SEM1: variants seen among roughly 807,000 people sequenced by gnomAD.
SEM1 encodes the protein SEM1 26S proteasome subunit, also known as 26S proteasome complex subunit SEM1.
A neutral mutation model predicts 12.7 loss-of-function variants in SEM1; 3 were observed. The observed-to-expected ratio is 0.24, with a 90% confidence interval of 0.11 to 0.61. SEM1 has a LOEUF of 0.61. Ranked by LOEUF, SEM1 falls within the 20% of genes least tolerant of loss-of-function variation. SEM1 has a pLI of 0.88. For missense variants in SEM1, 59 were observed against 81.3 expected (o/e 0.73, Z 1.06); for synonymous variants, 30 against 27.8 (o/e 1.08, Z -0.25).
intron 1 of SEM1, among the ~76,000 whole-genome samples, chr7:96,701,462 C>A (rs774536675): frequency 2.0e-5 from 3 of 152,094 alleles, no homozygotes; most frequent in Admixed American, 6.5e-5. Flanking sequence ...TCACCAAGAA[C>A]TGTATCGACC....
At chr7:96,547,148 C>A (rs539916143) in intron 2 of SEM1, among the ~76,000 whole-genome samples, 1 of 152,146 alleles carries the variant, frequency 6.6e-6, no homozygotes, top group Non-Finnish European at 1.5e-5. Context: ...CAAACGACTG[C>A]AGCTTGAATT....
intron 2 of SEM1, among the ~76,000 whole-genome samples, chr7:96,680,078 G>A (rs953011161): frequency 3.9e-5 from 6 of 152,026 alleles, no homozygotes; most frequent in African/African-American, 1.2e-4. Flanking sequence ...AATGACTGAC[G>A]AGTTGATAAA....
intron 2 of SEM1, among the ~76,000 whole-genome samples, chr7:96,635,564 G>T (rs567089978): frequency 1.1e-4 from 17 of 152,252 alleles, no homozygotes; most frequent in African/African-American, 4.1e-4. Context: ...TATTGAAGCA[G>T]ACAGAAGGAA....
At chr7:96,614,466 G>A (rs985358537) in intron 2 of SEM1, among the ~76,000 whole-genome samples, 5 of 152,214 alleles carry the variant, frequency 3.3e-5, no homozygotes, top group African/African-American at 1.2e-4. Flanking sequence ...TGAATACAAC[G>A]ATCCATGCAC....
chr7:96,573,607 A>G (rs1167145463), intron 2 of SEM1, among the ~76,000 whole-genome samples: 1 of 151,956 alleles, frequency 6.6e-6, no homozygotes, highest in Non-Finnish European at 1.5e-5. Context: ...CCTCTCTTCT[A>G]CCTTTTAGGG....
At chr7:96,627,398 C>T (rs878945782) in intron 2 of SEM1, among the ~76,000 whole-genome samples, 2 of 151,852 alleles carry the variant, frequency 1.3e-5, no homozygotes, top group Admixed American at 6.6e-5. Flanking sequence ...GATGCCAGCA[C>T]GTATAGCTGT....
intron 2 of SEM1, among the ~76,000 whole-genome samples, chr7:96,667,943 G>A (rs1253306046): frequency 6.6e-6 from 1 of 152,082 alleles, no homozygotes; most frequent in Non-Finnish European, 1.5e-5. Context: ...AGTTTTGAAG[G>A]GATCCTTTTT....
downstream of SEM1, among the ~76,000 whole-genome samples, chr7:96,618,221 G>A (rs1807779770): frequency 6.6e-6 from 1 of 152,132 alleles, no homozygotes. Flanking sequence ...TTGTTGATCT[G>A]TTCAGAAGTT....
At chr7:96,497,895 T>C (rs1165346976), upstream of SEM1, among the ~76,000 whole-genome samples, 4 of 152,112 alleles carry the variant, frequency 2.6e-5, no homozygotes, top group Non-Finnish European at 5.9e-5. Flanking sequence ...ATATTCTCTA[T>C]GTGCTAAAAA....
intron 2 of SEM1, among the ~76,000 whole-genome samples, chr7:96,521,711 G>A (rs1271070719): frequency 6.6e-6 from 1 of 152,032 alleles, no homozygotes; most frequent in African/African-American, 2.4e-5. Context: ...AAGCTCCCCT[G>A]GAGTCACATG....
chr7:96,661,206 CCTCAT>C (rs1207288929), intron 2 of SEM1, among the ~76,000 whole-genome samples: 2 of 152,142 alleles, frequency 1.3e-5, no homozygotes, highest in Non-Finnish European at 2.9e-5. Flanking sequence ...ATTCTGTACT[CCTCAT>C]CACTATCCTT....
rs1789608044 is a variant in SEM1, at chr7:96,681,393, C to CTTATT, written c.171-7535_171-7534insAATAA. ...AATTGCAGTAAATCCTAATAAGCAA[C>CTTATT]AGTGATAGTACTAATAATAGTAGTG... On this transcript the variant is annotated intron_variant, in intron 2 of 2. Coordinates refer to the SEM1 transcript ENST00000413065. Among the ~76,000 whole-genome samples the CTTATT allele has an allele frequency of 3.3e-5, 5 of 152,142 alleles. No individual in the cohort carries two copies. In the East Asian group the frequency reaches 9.7e-4, roughly 29 times the overall value.
At chr7:96,681,876 T>A (rs556534807) in intron 2 of SEM1, among the ~76,000 whole-genome samples, 12 of 152,274 alleles carry the variant, frequency 7.9e-5, no homozygotes, top group Middle Eastern at 6.8e-3. Context: ...AGGCTCTTTT[T>A]TGGTTTCATA....
At chr7:96,559,430 C>T (rs1805625910) in intron 2 of SEM1, among the ~76,000 whole-genome samples, 1 of 151,994 alleles carries the variant, frequency 6.6e-6, no homozygotes. Flanking sequence ...TACAGGCATA[C>T]ACCACCACAC....
exon 4 of SEM1, chr7:96,482,118 A>G (rs1802565319): frequency 6.6e-6 from 1 of 152,206 alleles, no homozygotes; most frequent in Non-Finnish European, 1.5e-5. Context: ...TACGTCCTCC[A>G]AGAATTCTGA....
intron 2 of SEM1, among the ~76,000 whole-genome samples, chr7:96,612,230 C>T (rs544491815): frequency 3.3e-5 from 5 of 152,316 alleles, no homozygotes; most frequent in Admixed American, 2.6e-4. Context: ...AGACATTGCA[C>T]TGGGTGACTG....
chr7:96,634,528 T>C (rs1808368031), intron 2 of SEM1, among the ~76,000 whole-genome samples: 1 of 150,538 alleles, frequency 6.6e-6, no homozygotes, highest in South Asian at 2.1e-4. Context: ...GTATTCTGAT[T>C]GGAGAGACAG....
chr7:96,665,862 C>T (rs1366766552), intron 2 of SEM1, among the ~76,000 whole-genome samples: 2 of 152,188 alleles, frequency 1.3e-5, no homozygotes, highest in Non-Finnish European at 2.9e-5. Context: ...AACACAGGTC[C>T]TCACTGACTC....
At chr7:96,697,221 C>A (rs1790124995) in intron 1 of SEM1, 1 of 151,018 alleles carries the variant, frequency 6.6e-6, no homozygotes, top group African/African-American at 2.4e-5. Flanking sequence ...TGGAAATAAC[C>A]AGTAACAGAT....
Sources: gnomAD v4.1 joint callset for allele counts (sites outside exome capture counted in the v4.1 genomes callset) on GRCh38, gnomAD v4.1.1 for gene constraint, MANE v1.5 for transcripts, NCBI Gene and HGNC (gene_info 2026-07-23, HGNC 2026-07-21) for gene names.